The following RYR3 variants were observed in gnomAD, a reference collection of about 807,000 sequenced individuals.
RYR3 encodes the protein ryanodine receptor 3.
RYR3 carries 207 observed loss-of-function variants against 584.3 expected under a neutral mutation model. The ratio of observed to expected loss-of-function variants is 0.35; its 90% CI spans 0.32 to 0.40. The LOEUF is 0.40. Ranked by LOEUF, RYR3 falls within the 10% of genes least tolerant of loss-of-function variation. RYR3 has a pLI of 1.00. For missense variants in RYR3, 5,616 were observed against 6,089.2 expected, an observed-to-expected ratio of 0.92 and a Z score of 2.59; for synonymous variants, 2,416 against 2,248.5, an observed-to-expected ratio of 1.07 and a Z score of -2.11.
intron 64 of RYR3, among the ~76,000 whole-genome samples, chr15:33,778,198 G>C (rs993700355): frequency 1.0e-5 from 1 of 98,090 alleles, no homozygotes; most frequent in African/African-American, 3.1e-5. Context: ...AATAAATAAA[G>C]CTATCAGATT....
At chr15:33,798,923 G>A (rs2075770890) in intron 67 of RYR3, among the ~76,000 whole-genome samples, 1 of 152,094 alleles carries the variant, frequency 6.6e-6, no homozygotes, top group African/African-American at 2.4e-5. Context: ...CTCATGAATG[G>A]GTAGGAGGTA....
chr15:33,861,729 A>C (rs1329200127), intron 102 of RYR3, among the ~76,000 whole-genome samples: 1 of 152,176 alleles, frequency 6.6e-6, no homozygotes, highest in East Asian at 1.9e-4. Flanking sequence ...TTCAGTTTTC[A>C]GGCCTCATCA....
chr15:33,722,654 T>C lies in RYR3; in HGVS notation c.6620-61T>C. On this transcript the variant is annotated intron_variant, in intron 43 of 103. Transcript: ENST00000634891. ...ATACTGTTCTCCCAGCCTCATCAAC[T>C]AGAAATAAATTCTGGGGTTGTCCTT... 2.7e-6 allele frequency: 4 copies of C among 1,490,572 alleles called. No homozygotes were observed. The South Asian group carries it at 4.6e-5, about 17-fold the overall frequency. 92.3% of individuals were successfully genotyped at this position (1,490,572 alleles called of 1,614,324 possible).
chr15:33,319,833 C>T (rs924604543), intron 1 of RYR3, among the ~76,000 whole-genome samples: 5 of 152,080 alleles, frequency 3.3e-5, no homozygotes, highest in Non-Finnish European at 7.3e-5. Context: ...AAAATGTTTC[C>T]GTCAGCCTAA....
At chr15:33,472,933 C>A (rs1252161137) in intron 1 of RYR3, among the ~76,000 whole-genome samples, 1 of 152,190 alleles carries the variant, frequency 6.6e-6, no homozygotes, top group Non-Finnish European at 1.5e-5. Context: ...ACGACATACA[C>A]TGCCTTCCTC....
chr15:33,854,846 G>A lies in RYR3; in HGVS notation c.13941G>A (p.Leu4647=), dbSNP rs1403877035. 56 of 1,613,688 alleles carry A rather than the reference G, an allele frequency of 3.5e-5. No homozygotes were observed. The highest frequency in any genetic ancestry group is 4.7e-5 in the Non-Finnish European group (56 of 1,179,804). Residue 4647 remains leucine, a synonymous_variant, in exon 98 of 104, where the codon TTG becomes TTA. Transcript: ENST00000634891. ...ACTTCTTCTTTGCTGCTCACCTATTGGACATCGCAATGGGCTTCAAGACAC... is the reference window on the plus strand; with the variant it reads ...ACTTCTTCTTTGCTGCTCACCTATTAGACATCGCAATGGGCTTCAAGACAC... ...YNNFFFAAHL[L]DIAMGFKTLR...
chr15:33,481,495 T>A (rs909420890), intron 2 of RYR3, among the ~76,000 whole-genome samples: 3 of 152,202 alleles, frequency 2.0e-5, no homozygotes, highest in African/African-American at 7.2e-5. Context: ...TTTTGGGTTT[T>A]TTTGAGACAG....
intron 2 of RYR3, among the ~76,000 whole-genome samples, chr15:33,480,728 A>C (rs966796410): frequency 2.0e-5 from 3 of 152,200 alleles, no homozygotes; most frequent in Admixed American, 1.3e-4. Flanking sequence ...TATCACTCCA[A>C]TCTTTTTCAA....
At position 33,855,333 on chromosome 15, in the gene RYR3, A is replaced by G. The variant is rs138037537; in HGVS notation, c.14007+421A>G. Among the ~76,000 whole-genome samples the G allele has an allele frequency of 5.3e-3, 807 of 152,278 alleles. 4 individuals carry two copies. The highest frequency in any genetic ancestry group is 0.019 in the African/African-American group (773 of 41,548). ...ATTCTCCTGCCTCAGCCTCCAGAGT[A>G]GCTGGGATTACAGGCACATGCCACC... On this transcript the variant is annotated intron_variant, in intron 98 of 103. Transcript: ENST00000634891.
At chr15:33,671,746 C>T (rs932806513) in intron 38 of RYR3, among the ~76,000 whole-genome samples, 22 of 151,636 alleles carry the variant, frequency 1.5e-4, no homozygotes, top group African/African-American at 5.1e-4. Flanking sequence ...CATATGTCTC[C>T]TATATCACCT....
intron 38 of RYR3, among the ~76,000 whole-genome samples, chr15:33,691,567 C>A (rs1260089758): frequency 6.6e-6 from 1 of 151,364 alleles, no homozygotes; most frequent in Non-Finnish European, 1.5e-5. Context: ...GTTTCTTATT[C>A]TTTAATTAAA....
rs1257280220 is a variant in RYR3, at chr15:33,701,025, C to T, written c.6428C>T (p.Ser2143Phe). The change falls in exon 42 of 104, where the codon TCT (serine) becomes TTT (phenylalanine). Residue 2143 changes from serine (S) to phenylalanine (F), a missense_variant. Ser to Phe is a radical substitution (Grantham distance 155). Transcript: ENST00000634891. The part of the protein sequence containing the change: ...GSTPLDVAAS[S>F]VMDNNELALS... ...ACCCCGCTGGATGTGGCAGCTTCCT[C>T]TGTGATGGACAACAATGAGTTAGCG... 6.2e-7 allele frequency: 1 copy of T among 1,613,488 alleles called. No individual in the cohort carries two copies. The highest frequency in any genetic ancestry group is 8.5e-7 in the Non-Finnish European group (1 of 1,179,782).
rs1345767804 is a variant in RYR3 at position 33,731,574 on chromosome 15, C to G, written c.7304C>G (p.Thr2435Arg). The change falls in exon 48 of 104, where the codon ACA (threonine) becomes AGA (arginine). Residue 2435 changes from threonine to arginine, a missense_variant. By Grantham distance (71) the Thr-to-Arg change is moderately conservative. Coordinates refer to ENST00000634891, the MANE Select transcript of RYR3 (RefSeq NM_001036.6). ...LTRCAPLFAG[T>R]EHCTSLIDST... ...AGATGTGCCCCTCTCTTTGCCGGAA[C>G]AGAACACTGCACCTCTCTGATTGAT... 6.2e-7 allele frequency: 1 copy of G among 1,613,714 alleles called. No individual in the cohort carries two copies. Among genetic ancestry groups the G allele is most frequent in the Non-Finnish European group, 8.5e-7 (1 of 1,179,738 alleles).
intron 1 of RYR3, among the ~76,000 whole-genome samples, chr15:33,387,714 C>T (rs111732993): frequency 7.1e-4 from 106 of 150,264 alleles, no homozygotes; most frequent in African/African-American, 2.5e-3. Flanking sequence ...TTATGATTCT[C>T]AGAAAAATGT....
In RYR3 at chr15:33,508,553, G is replaced by A. The variant is rs60962665; in HGVS notation, c.279+4815G>A. Reference sequence around the variant, plus strand: ...TAGTCCCAGCGACTCGGGAGGCTGAGGCAGGAGAATGGTGTGAACCTGGGA... The same window carrying A: ...TAGTCCCAGCGACTCGGGAGGCTGAAGCAGGAGAATGGTGTGAACCTGGGA... On this transcript the variant is annotated intron_variant, in intron 3 of 103. Coordinates refer to ENST00000634891, the MANE Select transcript of RYR3 (RefSeq NM_001036.6). 1.0e-2 allele frequency among the ~76,000 whole-genome samples: 1,521 copies of A among 152,308 alleles called. 23 individuals carry two copies. The highest frequency in any genetic ancestry group is 0.059 in the East Asian group (308 of 5,182).
intron 1 of RYR3, among the ~76,000 whole-genome samples, chr15:33,411,385 C>T (rs1032774947): frequency 2.0e-5 from 3 of 152,212 alleles, no homozygotes; most frequent in Non-Finnish European, 4.4e-5. Context: ...TGATGACAGA[C>T]ATCTGTCACT....
intron 57 of RYR3, among the ~76,000 whole-genome samples, chr15:33,751,343 T>C (rs1253362706): frequency 6.6e-6 from 1 of 152,196 alleles, no homozygotes; most frequent in African/African-American, 2.4e-5. Flanking sequence ...TAATTTACGC[T>C]CCCACCAACA....
intron 1 of RYR3, among the ~76,000 whole-genome samples, chr15:33,398,237 C>G (rs2676068): frequency 0.016 from 2,376 of 152,256 alleles, 69 homozygotes; most frequent in African/African-American, 0.053. Flanking sequence ...CGTGTAAGGT[C>G]AATGGTCAAA....
At chr15:33,713,411 GCT>G (rs1237242413) in intron 43 of RYR3, among the ~76,000 whole-genome samples, 8 of 151,844 alleles carry the variant, frequency 5.3e-5, no homozygotes, top group African/African-American at 1.7e-4. Context: ...GATGGTGGTG[GCT>G]GATGATGATG....
Sources: gnomAD v4.1 joint callset for allele counts (sites outside exome capture counted in the v4.1 genomes callset) on GRCh38, gnomAD v4.1.1 for gene constraint, MANE v1.5 for transcripts, NCBI Gene and HGNC (gene_info 2026-07-23, HGNC 2026-07-21) for gene names.